COG5: variants seen among roughly 807,000 people sequenced by gnomAD.
COG5 encodes conserved oligomeric Golgi complex subunit 5.
COG5 carries 86 observed loss-of-function variants against 110.4 expected under a neutral mutation model. That is an observed-to-expected ratio of 0.78 (90% CI 0.65 to 0.93). The LOEUF is 0.93. COG5 is among the 40% of genes least tolerant of loss of function. COG5 has a pLI of 0.00. For missense variants in COG5, 1,077 were observed against 987.0 expected (o/e 1.09, Z -1.22); for synonymous variants, 360 against 334.6 (o/e 1.08, Z -0.83).
rs573161953 is a variant in COG5 at position 107,527,461 on chromosome 7, C to A, written c.418-104G>T. The A allele has an allele frequency of 8.9e-6, 11 of 1,239,964 alleles. No homozygotes were observed. The African/African-American group carries it at 1.6e-4, about 18-fold the overall frequency. The allele number at this position is 1,239,964 out of a possible 1,614,324, so 76.8% of individuals were successfully genotyped here. Reference sequence around the variant, plus strand: ...TGGGTTGATAGGTGCAGCAAACCACCATGGCACATGTTTACCTATGTAACA... The same window carrying A: ...TGGGTTGATAGGTGCAGCAAACCACAATGGCACATGTTTACCTATGTAACA... On this transcript the variant is annotated intron_variant, in intron 5 of 21. Transcript: ENST00000297135.
intron 12 of COG5, among the ~76,000 whole-genome samples, chr7:107,296,482 T>C (rs1009958431): frequency 3.1e-4 from 47 of 152,160 alleles, no homozygotes; most frequent in Admixed American, 2.8e-3. Context: ...TAGGACTTAC[T>C]GAATCTGCCT....
chr7:107,258,726 C>T (rs191735751), intron 14 of COG5: 228 of 218,274 alleles, frequency 1.0e-3, no homozygotes, highest in Middle Eastern at 5.0e-3. Context: ...GATATAATAA[C>T]ATAGTAATCC....
At chr7:107,253,197 C>T (rs1749573434) in intron 16 of COG5, 1 of 152,082 alleles carries the variant, frequency 6.6e-6, no homozygotes. Flanking sequence ...GGTGAGGTTT[C>T]CCACTTAGGA....
intron 6 of COG5, among the ~76,000 whole-genome samples, chr7:107,464,055 A>G (rs145614217): frequency 1.7e-3 from 264 of 152,186 alleles, no homozygotes; most frequent in African/African-American, 6.0e-3. Context: ...TCCCTACCAT[A>G]TTTGGCTTTT....
Position 107,442,494 on chromosome 7 carries a change from T to G in COG5, c.539-29862A>C, listed in dbSNP as rs540807471. 3.9e-4 allele frequency among the ~76,000 whole-genome samples: 21 copies of G among 53,198 alleles called. No homozygotes were observed. The East Asian group carries it at 0.014, about 35-fold the overall frequency. The allele number at this position is 53,198 out of a possible 152,430, so 34.9% of individuals were successfully genotyped here. A position where few individuals can be genotyped will look rare whatever the true frequency, so the allele number is the denominator to read the frequency against. On this transcript the variant is annotated intron_variant, in intron 6 of 21. Transcript: ENST00000297135. ...GAGTAACCCACAGGTTTTTTGTTGT[T>G]TTTTTTTTTTAAATACTTATGCACT...
chr7:107,469,998 A>G (rs1796537922), intron 6 of COG5: 2 of 152,162 alleles, frequency 1.3e-5, no homozygotes, highest in African/African-American at 2.4e-5. Context: ...CAACTGACCA[A>G]TCAAAATTAG....
intron 6 of COG5, among the ~76,000 whole-genome samples, chr7:107,525,077 A>G (rs1800629154): frequency 6.6e-6 from 1 of 151,898 alleles, no homozygotes; most frequent in African/African-American, 2.4e-5. Context: ...ACAGGCACAC[A>G]CCACCACGCC....
At chr7:107,274,782 G>A (rs1804565551) in intron 14 of COG5, among the ~76,000 whole-genome samples, 1 of 152,064 alleles carries the variant, frequency 6.6e-6, no homozygotes, top group Admixed American at 6.6e-5. Context: ...ACTTTGACCT[G>A]CTTTAACTAA....
intron 7 of COG5, among the ~76,000 whole-genome samples, chr7:107,374,157 C>T (rs1814431286): frequency 6.6e-6 from 1 of 151,782 alleles, no homozygotes; most frequent in South Asian, 2.1e-4. Flanking sequence ...TTAACGTATG[C>T]CAACAAGGAA....
chr7:107,483,661 A>G (rs557555138), intron 6 of COG5, among the ~76,000 whole-genome samples: 37 of 151,830 alleles, frequency 2.4e-4, no homozygotes, highest in African/African-American at 8.7e-4. Flanking sequence ...CCAAGATCGC[A>G]CCATTGCACT....
chr7:107,488,650 G>A (rs1200220890), intron 6 of COG5, among the ~76,000 whole-genome samples: 2 of 152,062 alleles, frequency 1.3e-5, no homozygotes, highest in Non-Finnish European at 1.5e-5. Context: ...TTCAAGACCA[G>A]CCTGGGCAAC....
intron 8 of COG5, among the ~76,000 whole-genome samples, chr7:107,370,521 C>T (rs576567242): frequency 1.3e-5 from 2 of 152,008 alleles, no homozygotes; most frequent in Non-Finnish European, 2.9e-5. Context: ...CGCGGTGGCT[C>T]ACGCCTGTAA....
At chr7:107,483,781 T>C (rs1797488727) in intron 6 of COG5, among the ~76,000 whole-genome samples, 1 of 150,766 alleles carries the variant, frequency 6.6e-6, no homozygotes, top group Non-Finnish European at 1.5e-5. Flanking sequence ...TATAGAAAAA[T>C]ATTTGCCAAG....
chr7:107,236,401 G>T, intron 18 of COG5, 49 bp downstream of exon 18: 1 of 1,291,570 alleles, frequency 7.7e-7, no homozygotes, highest in South Asian at 1.2e-5. Flanking sequence ...TTTAATAGAT[G>T]ATATTGAGGC....
At chr7:107,281,551 C>T (rs1205678995) in intron 13 of COG5, 152 bp from the exon 14 acceptor site, 3 of 666,196 alleles carry the variant, frequency 4.5e-6, no homozygotes, top group Non-Finnish European at 7.9e-6. Flanking sequence ...TTTCATTTTA[C>T]CCCCTAATTT....
Position 107,483,200 on chromosome 7 carries a change from A to G in COG5, c.538+44037T>C, listed in dbSNP as rs527646645. ...AGTTTAGGTAACACTGATACTTGATAAATGCCGCAAATGGTATTACGGAAA... is the reference window on the plus strand; with the variant it reads ...AGTTTAGGTAACACTGATACTTGATGAATGCCGCAAATGGTATTACGGAAA... On this transcript the variant is annotated intron_variant, in intron 6 of 21. Coordinates refer to ENST00000297135, the MANE Select transcript of COG5 (RefSeq NM_006348.5). Among the ~76,000 whole-genome samples, 58 of 152,314 alleles carry G rather than the reference A, an allele frequency of 3.8e-4. 2 individuals are homozygous for G. In the South Asian group the frequency reaches 9.5e-3, roughly 25 times the overall value.
Position 107,330,267 on chromosome 7 carries a change from G to T in COG5, c.1027-5746C>A, listed in dbSNP as rs564247497. Among the ~76,000 whole-genome samples, 15 of 152,302 alleles carry T rather than the reference G, an allele frequency of 9.8e-5. No individual in the cohort carries two copies. The South Asian group carries it at 3.1e-3, about 32-fold the overall frequency. On this transcript the variant is annotated intron_variant, in intron 10 of 21. Coordinates refer to ENST00000297135, the MANE Select transcript of COG5 (RefSeq NM_006348.5). ...TATAATTCTAACTTTAAGAAACAAT[G>T]AAATTTGGACTTTTGGCTGAGGCCA...
intron 6 of COG5, among the ~76,000 whole-genome samples, chr7:107,437,131 G>A (rs1406280848): frequency 6.6e-6 from 1 of 152,074 alleles, no homozygotes; most frequent in Admixed American, 6.5e-5. Context: ...TCTCCTCTCT[G>A]AATTAGTATG....
chr7:107,236,549 A>G lies in COG5; in HGVS notation c.1992T>C (p.Ala664=), dbSNP rs1433601780. ...AAAGTTCAACAGCTCTTTGGGCAAT[A>G]GCCTCAGTGTTGTCAAAGACAAAAT... ...CLDFVFDNTE[A]IAQRAVELFI... Residue 664 remains alanine, a synonymous_variant, in exon 18 of 22, where the codon GCT becomes GCC. Coordinates refer to ENST00000297135, the MANE Select transcript of COG5 (RefSeq NM_006348.5). 1 of 1,614,050 alleles carries G rather than the reference A, an allele frequency of 6.2e-7. No individual in the cohort carries two copies.
Sources: allele counts gnomAD v4.1 joint callset (sites outside exome capture counted in the v4.1 genomes callset), GRCh38; gene constraint gnomAD v4.1.1; transcripts MANE v1.5; gene names NCBI Gene and HGNC (gene_info 2026-07-23, HGNC 2026-07-21).